Variants in LRIF1 observed in about 807,000 individuals in gnomAD.
The protein encoded by LRIF1 is ligand dependent nuclear receptor interacting factor 1.
A neutral mutation model predicts 52.7 loss-of-function variants in LRIF1; 32 were observed. The observed-to-expected ratio is 0.61, with a 90% CI of 0.46 to 0.82. LRIF1 has a LOEUF of 0.82. LRIF1 is among the 40% of genes least tolerant of loss of function. LRIF1 has a pLI of 0.00. For synonymous variants in LRIF1, 323 were observed against 317.4 expected (o/e 1.02, Z -0.19); for missense variants, 887 against 892.0 (o/e 0.99, Z 0.07).
chr1:110,952,332 A>T lies in LRIF1; in HGVS notation c.552T>A (p.His184Gln). ...VKSPVLPSGH[H>Q]LQIPAHAEVK... is the part of the protein sequence containing the mutation. ...CTTCAGCATGGGCTGGAATCTGTAA[A>T]TGATGCCCAGAAGGCAAAACTGGAG... Residue 184 changes from histidine to glutamine, a missense_variant, in exon 2 of 4, where the codon CAT (histidine) becomes CAA (glutamine). Coordinates refer to ENST00000369763, the MANE Select transcript of LRIF1 (RefSeq NM_018372.4). 1 of 1,614,138 alleles carries T rather than the reference A, an allele frequency of 6.2e-7. No individual in the cohort carries two copies. Among genetic ancestry groups the T allele is most frequent in the South Asian group, 1.1e-5 (1 of 91,086 alleles).
the LRIF1 span, among the ~76,000 whole-genome samples, chr1:110,883,398 G>A: frequency 2.6e-5 from 4 of 151,798 alleles, no homozygotes; most frequent in Admixed American, 2.6e-4. Flanking sequence ...CCTGAGAGTA[G>A]CCCCATTTGT....
the LRIF1 span, among the ~76,000 whole-genome samples, chr1:110,920,007 T>C: frequency 6.6e-6 from 1 of 152,146 alleles, no homozygotes; most frequent in South Asian, 2.1e-4. Flanking sequence ...ATATAATACA[T>C]ATCCAATAGA....
At position 110,951,665 on chromosome 1, in the gene LRIF1, T is replaced by C. The variant is rs200821921; in HGVS notation, c.1219A>G (p.Ile407Val). The change falls in exon 2 of 4, where the codon ATA (isoleucine) becomes GTA (valine). Residue 407 changes from isoleucine to valine, a missense_variant. Coordinates refer to ENST00000369763, the MANE Select transcript of LRIF1 (RefSeq NM_018372.4). ...ACAATATTTACAACCTCTCTGGATA[T>C]TTCTGTGACTGGACTTGAACTCACT... ...QTVSSSPVTE[I>V]SREVVNIVLA... 2 of 1,613,984 alleles carry C rather than the reference T, an allele frequency of 1.2e-6. No individual in the cohort carries two copies. The highest frequency in any genetic ancestry group is 2.2e-5 in the East Asian group (1 of 44,884).
Position 110,951,487 on chromosome 1 carries a change from A to G in LRIF1, c.1397T>C (p.Leu466Ser). Residue 466 changes from leucine to serine, a missense_variant, in exon 2 of 4, where the codon TTA (leucine) becomes TCA (serine). By Grantham distance (145) the Leu-to-Ser change is moderately radical. Transcript: ENST00000369763. Reference protein sequence around the residue: ...NPHMNQSSNYLKQSKTLFTNP... With the variant: ...NPHMNQSSNYSKQSKTLFTNP... The stretch of plus-strand genomic sequence containing the variant: ...TGTGAATAAAGTCTTACTCTGTTTT[A>G]AGTAGTTACTGGATTGGTTCATATG... 6.2e-7 allele frequency: 1 copy of G among 1,614,136 alleles called. No homozygotes were observed. The highest frequency in any genetic ancestry group is 8.5e-7 in the Non-Finnish European group (1 of 1,179,994).
the LRIF1 span, among the ~76,000 whole-genome samples, chr1:110,881,077 A>G: frequency 4.9e-3 from 739 of 152,334 alleles, 4 homozygotes; most frequent in African/African-American, 0.017. Context: ...GGGTGTTGCC[A>G]TGAGTGTGGA....
chr1:110,939,710 A>C, the LRIF1 span: 3 of 152,228 alleles, frequency 2.0e-5, no homozygotes, highest in Non-Finnish European at 4.4e-5. Flanking sequence ...TTTTTGACAA[A>C]GGTGCCAAGA....
intron 1 of LRIF1, among the ~76,000 whole-genome samples, chr1:110,962,166 G>T (rs1157309371): frequency 6.6e-6 from 1 of 151,022 alleles, no homozygotes; most frequent in Non-Finnish European, 1.5e-5. Flanking sequence ...TATAAATTAA[G>T]CTAAGTCAGA....
the LRIF1 span, among the ~76,000 whole-genome samples, chr1:110,927,321 G>C: frequency 6.6e-6 from 1 of 152,120 alleles, no homozygotes; most frequent in Non-Finnish European, 1.5e-5. Context: ...CTTGTGAGGA[G>C]CTATTGTCTT....
At chr1:110,905,932 C>CT in the LRIF1 span, among the ~76,000 whole-genome samples, 2 of 151,894 alleles carry the variant, frequency 1.3e-5, no homozygotes, top group African/African-American at 4.8e-5. Flanking sequence ...TTTCTTTTTG[C>CT]TTTTTTTAAA....
chr1:110,943,013 G>A (rs989710804), downstream of LRIF1, among the ~76,000 whole-genome samples: 4 of 152,036 alleles, frequency 2.6e-5, no homozygotes, highest in African/African-American at 7.2e-5. Flanking sequence ...CATAGAGAAG[G>A]GGAGGAACTA....
At chr1:110,876,465 A>G in the LRIF1 span, among the ~76,000 whole-genome samples, 49 of 152,208 alleles carry the variant, frequency 3.2e-4, no homozygotes, top group Non-Finnish European at 4.0e-4. Context: ...TACTTAACAT[A>G]TATTTTATTT....
the LRIF1 span, among the ~76,000 whole-genome samples, chr1:110,932,590 C>T: frequency 4.6e-5 from 7 of 152,178 alleles, no homozygotes; most frequent in South Asian, 8.3e-4. Flanking sequence ...GCCATTTTTA[C>T]GATATTGATT....
intron 1 of LRIF1, among the ~76,000 whole-genome samples, chr1:110,957,212 C>G (rs945405453): frequency 6.7e-6 from 1 of 149,494 alleles, no homozygotes; most frequent in Non-Finnish European, 1.5e-5. Context: ...AATCCCAGCA[C>G]TTTGGGAGGC....
At chr1:110,908,988 G>A in the LRIF1 span, among the ~76,000 whole-genome samples, 1 of 152,138 alleles carries the variant, frequency 6.6e-6, no homozygotes, top group African/African-American at 2.4e-5. Flanking sequence ...CAGCTAGAGA[G>A]AAGGGGCAGG....
chr1:110,954,343 CAA>C, intron 1 of LRIF1, among the ~76,000 whole-genome samples: 1 of 152,106 alleles, frequency 6.6e-6, no homozygotes, highest in South Asian at 2.1e-4. Context: ...TGTAGGTGTA[CAA>C]TCTTGGCTCA....
chr1:110,923,319 C>T, the LRIF1 span, among the ~76,000 whole-genome samples: 2 of 152,070 alleles, frequency 1.3e-5, no homozygotes, highest in East Asian at 3.9e-4. Context: ...AACAACAAAA[C>T]TCTAACTTAC....
intron 1 of LRIF1, among the ~76,000 whole-genome samples, chr1:110,955,218 A>T (rs1296936713): frequency 6.6e-6 from 1 of 152,206 alleles, no homozygotes; most frequent in Non-Finnish European, 1.5e-5. Flanking sequence ...CAGAATAGAT[A>T]AATCCTCCTT....
chr1:110,889,896 A>C, the LRIF1 span, among the ~76,000 whole-genome samples: 1 of 152,212 alleles, frequency 6.6e-6, no homozygotes, highest in Admixed American at 6.5e-5. Context: ...TAAAGTAATC[A>C]TGTAGATTTA....
At chr1:110,940,272 A>G in the LRIF1 span, 1 of 152,206 alleles carries the variant, frequency 6.6e-6, no homozygotes, top group Admixed American at 6.5e-5. Context: ...AGTCAAAACT[A>G]CAATGAGATA....
Sources: gnomAD v4.1 joint callset for allele counts (sites outside exome capture counted in the v4.1 genomes callset) on GRCh38, gnomAD v4.1.1 for gene constraint, MANE v1.5 for transcripts, NCBI Gene and HGNC (gene_info 2026-07-23, HGNC 2026-07-21) for gene names.